CPOX: variants seen among roughly 807,000 people sequenced by gnomAD.
The protein encoded by CPOX is oxygen-dependent coproporphyrinogen-III oxidase, mitochondrial.
In CPOX, 24 loss-of-function variants were observed where a neutral mutation model predicts 48.9. The observed-to-expected ratio is 0.49, with a 90% CI of 0.36 to 0.69. CPOX has a LOEUF of 0.69. CPOX is among the 30% of genes least tolerant of loss of function. The pLI is 0.00. For missense variants in CPOX, 549 were observed against 597.3 expected, an observed-to-expected ratio of 0.92 and a Z score of 0.84; for synonymous variants, 249 against 234.6, an observed-to-expected ratio of 1.06 and a Z score of -0.56.
chr3:98,572,604 G>C, the CPOX span, among the ~76,000 whole-genome samples: 2 of 152,022 alleles, frequency 1.3e-5, no homozygotes, highest in East Asian at 3.9e-4. Flanking sequence ...ACTTAAGTTT[G>C]GTTTATATTT....
chr3:98,573,160 T>A, the CPOX span, among the ~76,000 whole-genome samples: 1 of 152,274 alleles, frequency 6.6e-6, no homozygotes, highest in African/African-American at 2.4e-5. Flanking sequence ...CAGACAAAAA[T>A]GTTCACATTT....
chr3:98,590,956 T>G, intron 2 of CPOX, 56 bp downstream of exon 2: 1 of 1,589,764 alleles, frequency 6.3e-7, no homozygotes, highest in East Asian at 2.2e-5. Context: ...ATAAAACTTG[T>G]GGGCAAAATA....
At position 98,593,223 on chromosome 3, in the gene CPOX, C is replaced by A. The variant is rs1459069201; in HGVS notation, c.282G>T (p.Gly94=). ...GLVGLATAAF[G]HVQRAEMLPK... ...GCAACATCTCCGCCCGCTGCACATG[C>A]CCGAAGGCGGCGGTGGCCAGCCCCA... Residue 94 remains glycine (G), a synonymous_variant, in exon 1 of 7, where the codon GGG becomes GGT. Coordinates refer to ENST00000647941, the MANE Select transcript of CPOX (RefSeq NM_000097.7). 1.3e-6 allele frequency: 2 copies of A among 1,567,942 alleles called. No homozygotes were observed. The highest frequency in any genetic ancestry group is 3.5e-5 in the Admixed American group (2 of 56,984).
At chr3:98,585,802 A>G in intron 4 of CPOX, 143 bp from the exon 5 acceptor site, 1 of 735,118 alleles carries the variant, frequency 1.4e-6, no homozygotes, top group Non-Finnish European at 2.5e-6. Context: ...TGAAAATGAA[A>G]TGAGGACTTT....
intron 6 of CPOX, 47 bp downstream of exon 6, chr3:98,581,360 G>A (rs756937532): frequency 2.3e-6 from 3 of 1,326,982 alleles, no homozygotes; most frequent in Non-Finnish European, 2.2e-6. Context: ...TGGGTGTTTG[G>A]GAATTGGGAG....
Position 98,593,472 on chromosome 3 carries a change from G to T in CPOX, c.33C>A (p.Gly11=). 1 of 1,513,514 alleles carries T rather than the reference G, an allele frequency of 6.6e-7. No individual in the cohort carries two copies. Among genetic ancestry groups the T allele is most frequent in the Non-Finnish European group, 8.8e-7 (1 of 1,137,630 alleles). The allele number at this position is 1,513,514 out of a possible 1,614,324, so 93.8% of individuals were successfully genotyped here. The change falls in exon 1 of 7, where the codon GGC becomes GGA. Residue 11 remains glycine (G), a synonymous_variant. Coordinates refer to ENST00000647941, the MANE Select transcript of CPOX (RefSeq NM_000097.7). MALQLGRLSS[G]PCWLVARGGC... ...CGCCCCGCGCCACGAGCCAGCAGGG[G>T]CCCGAGCTCAGCCTGCCCAGCTGCA...
Position 98,593,338 on chromosome 3 carries a change from G to T in CPOX, c.167C>A (p.Thr56Lys). The change falls in exon 1 of 7, where the codon ACG (threonine) becomes AAG (lysine). Residue 56 changes from threonine to lysine, a missense_variant. By Grantham distance (78) the Thr-to-Lys change is moderately conservative. This residue lies in a region of CPOX where 336 missense variants were observed against 318.1 expected (regional missense o/e 1.06). Coordinates refer to ENST00000647941, the MANE Select transcript of CPOX (RefSeq NM_000097.7). ...RVCRPPGPAG[T>K]EQSRGLGHGS... is the part of the protein sequence containing the mutation. Reference sequence around the variant, plus strand: ...GTGCCCCAGCCCGCGGCTCTGCTCCGTGCCAGCCGGGCCAGGGGGCCGGCA... The same window carrying T: ...GTGCCCCAGCCCGCGGCTCTGCTCCTTGCCAGCCGGGCCAGGGGGCCGGCA... 1 of 1,352,076 alleles carries T rather than the reference G, an allele frequency of 7.4e-7. No individual in the cohort carries two copies. Among genetic ancestry groups the T allele is most frequent in the Non-Finnish European group, 9.4e-7 (1 of 1,064,532 alleles). 83.8% of individuals were successfully genotyped at this position (1,352,076 alleles called of 1,614,324 possible). A position where few individuals can be genotyped will look rare whatever the true frequency, so the allele number is the denominator to read the frequency against.
chr3:98,585,840 C>A, intron 4 of CPOX, 181 bp from the exon 5 acceptor site: 1 of 651,146 alleles, frequency 1.5e-6, no homozygotes, highest in South Asian at 1.8e-5. Flanking sequence ...GCAGATATCA[C>A]CAAGGTAGAA....
chr3:98,582,323 A>C (rs1707273179), intron 5 of CPOX, among the ~76,000 whole-genome samples: 1 of 152,120 alleles, frequency 6.6e-6, no homozygotes, highest in Non-Finnish European at 1.5e-5. Context: ...ACTGATTCAT[A>C]ATCTGAAAAG....
intron 3 of CPOX, 111 bp from the exon 4 acceptor site, chr3:98,588,965 C>T: frequency 1.6e-6 from 2 of 1,269,410 alleles, no homozygotes; most frequent in Non-Finnish European, 2.2e-6. Context: ...AAATGGATGA[C>T]AATAAAAAAA....
At chr3:98,586,989 T>C (rs1471251825) in intron 4 of CPOX, among the ~76,000 whole-genome samples, 1 of 152,144 alleles carries the variant, frequency 6.6e-6, no homozygotes, top group Non-Finnish European at 1.5e-5. Flanking sequence ...AAGAAGCCAT[T>C]TCCTAACTGT....
At chr3:98,572,508 TTTA>T in the CPOX span, among the ~76,000 whole-genome samples, 1 of 152,230 alleles carries the variant, frequency 6.6e-6, no homozygotes, top group Non-Finnish European at 1.5e-5. Context: ...TATGCCATTT[TTTA>T]TTGATTGATA....
At chr3:98,585,864 T>A in intron 4 of CPOX, 1 of 598,970 alleles carries the variant, frequency 1.7e-6, no homozygotes. Context: ...GCTTATCCTC[T>A]TTTTCTTTTC....
At chr3:98,585,878 T>TA in intron 4 of CPOX, 1 of 533,070 alleles carries the variant, frequency 1.9e-6, no homozygotes. Flanking sequence ...TCTTTTCTTT[T>TA]CTTTTTTTTT....
the CPOX span, among the ~76,000 whole-genome samples, chr3:98,573,374 TTAGA>T: frequency 6.6e-6 from 1 of 152,208 alleles, no homozygotes; most frequent in South Asian, 2.1e-4. Context: ...AATAACTCCT[TTAGA>T]TAATCTGTCC....
Position 98,593,453 on chromosome 3 carries a change from G to A in CPOX, c.52C>T (p.Arg18Trp), listed in dbSNP as rs1300897977. 5.4e-6 allele frequency: 8 copies of A among 1,490,466 alleles called. No individual in the cohort carries two copies. Among genetic ancestry groups the A allele is most frequent in the East Asian group, 2.8e-5 (1 of 35,648 alleles). The allele number at this position is 1,490,466 out of a possible 1,614,324, so 92.3% of individuals were successfully genotyped here. A position where few individuals can be genotyped will look rare whatever the true frequency, so the allele number is the denominator to read the frequency against. The change falls in exon 1 of 7, where the codon CGG becomes TGG. Residue 18 changes from arginine to tryptophan, a missense_variant. Arg to Trp is a moderately radical substitution (Grantham distance 101). Coordinates refer to ENST00000647941, the MANE Select transcript of CPOX (RefSeq NM_000097.7). ...GCGCGGGGCCCTCCGCAGCCGCCCCGCGCCACGAGCCAGCAGGGGCCCGAG... is the reference window on the plus strand; with the variant it reads ...GCGCGGGGCCCTCCGCAGCCGCCCCACGCCACGAGCCAGCAGGGGCCCGAG... ...LSSGPCWLVA[R>W]GGCGGPRAWS...
Position 98,589,254 on chromosome 3 carries a change from G to A in CPOX, c.812-400C>T, listed in dbSNP as rs932682759. Among the ~76,000 whole-genome samples the A allele has an allele frequency of 6.6e-5, 10 of 152,264 alleles. No homozygotes were observed. The East Asian group carries it at 1.7e-3, about 26-fold the overall frequency. On this transcript the variant is annotated intron_variant, in intron 3 of 6. Coordinates refer to ENST00000647941, the MANE Select transcript of CPOX (RefSeq NM_000097.7). Reference sequence around the variant, plus strand: ...GAATCACTTGAACCCAGGAGGTGGAGGTTGCAGTGAGCTGAGATAGCGCCA... The same window carrying A: ...GAATCACTTGAACCCAGGAGGTGGAAGTTGCAGTGAGCTGAGATAGCGCCA...
downstream of CPOX, among the ~76,000 whole-genome samples, chr3:98,574,735 C>T (rs1211952255): frequency 6.6e-6 from 1 of 152,136 alleles, no homozygotes. Flanking sequence ...CCCATCACCA[C>T]GCCTGGCTAA....
At chr3:98,579,113 G>A (rs986217331), downstream of CPOX, among the ~76,000 whole-genome samples, 9 of 152,168 alleles carry the variant, frequency 5.9e-5, no homozygotes, top group African/African-American at 1.9e-4. Flanking sequence ...AGACCTTTAC[G>A]ATGATTCACT....
Sources: allele counts gnomAD v4.1 joint callset (sites outside exome capture counted in the v4.1 genomes callset), GRCh38; gene constraint gnomAD v4.1.1; regional missense constraint gnomAD v4.1.1; transcripts MANE v1.5; gene names NCBI Gene and HGNC (gene_info 2026-07-23, HGNC 2026-07-21).